The following EFL1 variants were observed in gnomAD, a reference collection of about 807,000 sequenced individuals.
EFL1 encodes elongation factor-like GTPase 1.
EFL1 carries 76 observed loss-of-function variants against 126.7 expected under a neutral mutation model. That is an observed-to-expected ratio of 0.60 (90% CI 0.50 to 0.73). The LOEUF (loss-of-function observed/expected upper bound fraction) is 0.73, where lower values mean the gene tolerates loss of function less well. Among genes scored for constraint, EFL1 ranks in the 30% least tolerant of loss-of-function variants. The pLI is 0.00. For missense variants in EFL1, 1,128 were observed against 1,343.2 expected (o/e 0.84, Z 2.50); for synonymous variants, 410 against 448.4 (o/e 0.91, Z 1.08).
intron 15 of EFL1, among the ~76,000 whole-genome samples, chr15:82,190,541 G>T (rs1396714091): frequency 6.6e-6 from 1 of 152,146 alleles, no homozygotes; most frequent in African/African-American, 2.4e-5. Flanking sequence ...AAAGAGTTGT[G>T]CCAGATAGTG....
chr15:82,203,858 G>A lies in EFL1; in HGVS notation c.1750+10859C>T, dbSNP rs556179996. ...TCTTCTGCCAATGGATATTTAGGGTGTGTCCCTTTTTCTGCTTTCATAAAC... is the reference window on the plus strand; with the variant it reads ...TCTTCTGCCAATGGATATTTAGGGTATGTCCCTTTTTCTGCTTTCATAAAC... On this transcript the variant is annotated intron_variant, in intron 15 of 19. Coordinates refer to ENST00000268206, the MANE Select transcript of EFL1 (RefSeq NM_024580.6). Among the ~76,000 whole-genome samples the A allele has an allele frequency of 1.3e-3, 193 of 152,258 alleles. 1 individual carries two copies. Among genetic ancestry groups the A allele is most frequent in the Non-Finnish European group, 2.2e-3 (150 of 68,026 alleles).
intron 3 of EFL1, among the ~76,000 whole-genome samples, chr15:82,256,952 T>C (rs1281171682): frequency 6.6e-6 from 1 of 152,216 alleles, no homozygotes; most frequent in Non-Finnish European, 1.5e-5. Context: ...AGACTTTTGG[T>C]ATCAAAGTTA....
At chr15:82,152,701 C>T (rs550071790) in intron 17 of EFL1, among the ~76,000 whole-genome samples, 2 of 151,804 alleles carry the variant, frequency 1.3e-5, no homozygotes, top group African/African-American at 4.8e-5. Flanking sequence ...TATAAACCAC[C>T]CATTTAGATA....
At chr15:82,191,933 CTTAGA>C (rs2074364212) in intron 15 of EFL1, among the ~76,000 whole-genome samples, 2 of 152,104 alleles carry the variant, frequency 1.3e-5, no homozygotes, top group African/African-American at 4.8e-5. Context: ...TAGAAGAAAT[CTTAGA>C]CTCTAAAACA....
chr15:82,229,313 G>A (rs904862752), intron 8 of EFL1, among the ~76,000 whole-genome samples: 3 of 152,030 alleles, frequency 2.0e-5, no homozygotes, highest in African/African-American at 7.3e-5. Context: ...TCTTTCCTCT[G>A]GGAACCATAG....
Position 82,138,727 on chromosome 15 carries a change from A to G in EFL1, c.3105T>C (p.Gly1035=). Reference sequence around the variant, plus strand: ...TCCTCTTCCTGATTTCATCAGCAAAACCAAAGCTTTCAGCAACAGGCAGCA... The same window carrying G: ...TCCTCTTCCTGATTTCATCAGCAAAGCCAAAGCTTTCAGCAACAGGCAGCA... ...KAVLPVAESF[G]FADEIRKRTS... is the part of the protein sequence containing the mutation. The change falls in exon 19 of 20, where the codon GGT becomes GGC. Residue 1035 remains glycine, a synonymous_variant. Coordinates refer to ENST00000268206, the MANE Select transcript of EFL1 (RefSeq NM_024580.6). 1 of 1,614,014 alleles carries G rather than the reference A, an allele frequency of 6.2e-7. No homozygotes were observed. The highest frequency in any genetic ancestry group is 2.2e-5 in the East Asian group (1 of 44,884).
At chr15:82,184,486 T>C (rs1012632987) in intron 15 of EFL1, among the ~76,000 whole-genome samples, 3 of 152,158 alleles carry the variant, frequency 2.0e-5, no homozygotes, top group African/African-American at 4.8e-5. Context: ...CAGTGAGTCC[T>C]CTCCCTGAGG....
Position 82,157,801 on chromosome 15 carries a change from G to C in EFL1, c.1942C>G (p.Gln648Glu), listed in dbSNP as rs781414667. The change falls in exon 17 of 20, where the codon CAG becomes GAG. Residue 648 changes from glutamine (Q) to glutamate (E), a missense_variant. Physicochemically the swap from Gln to Glu is conservative, Grantham distance 29 (BLOSUM62 2). This residue lies in a region of EFL1 where 561 missense variants were observed against 641.7 expected (regional missense o/e 0.87). Coordinates refer to ENST00000268206, the MANE Select transcript of EFL1 (RefSeq NM_024580.6). ...KLLNQADPCV[Q>E]ILIQETGEHV... ...TCTCCCGTTTCCTGAATTAAAATCT[G>C]GACACAGGGATCAGCCTGGTTTAAC... The C allele has an allele frequency of 1.2e-6, 2 of 1,613,856 alleles. No individual in the cohort carries two copies. Among genetic ancestry groups the C allele is most frequent in the Admixed American group, 3.3e-5 (2 of 59,992 alleles).
At chr15:82,204,660 A>C (rs1431312660) in intron 15 of EFL1, among the ~76,000 whole-genome samples, 4 of 152,264 alleles carry the variant, frequency 2.6e-5, no homozygotes, top group Non-Finnish European at 4.4e-5. Context: ...TACTAAGAAT[A>C]GAGGTCAAAT....
intron 18 of EFL1, among the ~76,000 whole-genome samples, chr15:82,141,044 T>C (rs1367562616): frequency 6.6e-6 from 1 of 152,168 alleles, no homozygotes; most frequent in African/African-American, 2.4e-5. Context: ...CAAATTACCC[T>C]GTAAGCTACT....
intron 12 of EFL1, among the ~76,000 whole-genome samples, 154 bp from the exon 13 acceptor site, chr15:82,220,383 G>A (rs2074699327): frequency 6.6e-6 from 1 of 152,160 alleles, no homozygotes; most frequent in Admixed American, 6.6e-5. Context: ...ATAAGAGAGG[G>A]CCTATCAGCC....
intron 16 of EFL1, among the ~76,000 whole-genome samples, chr15:82,159,529 G>C (rs1226720079): frequency 1.3e-5 from 2 of 151,466 alleles, no homozygotes; most frequent in African/African-American, 4.9e-5. Context: ...TTGAAATTAG[G>C]TGTTTGAAAA....
chr15:82,133,779 C>G (rs1169508692), intron 19 of EFL1, among the ~76,000 whole-genome samples: 1 of 152,168 alleles, frequency 6.6e-6, no homozygotes. Context: ...TTCTGCTTTG[C>G]TGGTGGGAGG....
In EFL1 at chr15:82,145,094, G is replaced by A. The variant is rs777506064; in HGVS notation, c.2990-6252C>T. ...CGAGGCGGGTTGATAACTTGAGGTC[G>A]GGAGTTTGAAACCAGCCTGACCAAC... On this transcript the variant is annotated intron_variant, in intron 18 of 19. Coordinates refer to ENST00000268206, the MANE Select transcript of EFL1 (RefSeq NM_024580.6). Among the ~76,000 whole-genome samples, 5 of 151,226 alleles carry A rather than the reference G, an allele frequency of 3.3e-5. No homozygotes were observed. The South Asian group carries it at 6.3e-4, about 19-fold the overall frequency.
intron 12 of EFL1, among the ~76,000 whole-genome samples, chr15:82,222,688 G>A (rs956400916): frequency 1.3e-5 from 2 of 152,184 alleles, no homozygotes; most frequent in Non-Finnish European, 2.9e-5. Flanking sequence ...GCAAGGATGT[G>A]TAAAAAGTAC....
chr15:82,240,628 A>C, intron 5 of EFL1, 73 bp from the exon 6 acceptor site: 1 of 1,551,880 alleles, frequency 6.4e-7, no homozygotes, highest in Non-Finnish European at 8.8e-7. Flanking sequence ...AATCGTGATT[A>C]ATAACCACTC....
intron 15 of EFL1, among the ~76,000 whole-genome samples, chr15:82,181,902 T>G (rs2074255758): frequency 6.6e-6 from 1 of 152,198 alleles, no homozygotes; most frequent in South Asian, 2.1e-4. Flanking sequence ...TCCCGCCCTC[T>G]AAAAACTTCC....
chr15:82,247,527 A>G (rs1446354461), intron 4 of EFL1, among the ~76,000 whole-genome samples: 1 of 152,076 alleles, frequency 6.6e-6, no homozygotes, highest in African/African-American at 2.4e-5. Context: ...AGGGTAGAAG[A>G]ATTAACTTTT....
At chr15:82,164,261 A>T (rs2074054283) in intron 15 of EFL1, among the ~76,000 whole-genome samples, 2 of 152,146 alleles carry the variant, frequency 1.3e-5, no homozygotes, top group African/African-American at 4.8e-5. Context: ...CACAGAAATG[A>T]TCACTTCCAG....
Sources: allele counts gnomAD v4.1 joint callset (sites outside exome capture counted in the v4.1 genomes callset), GRCh38; gene constraint gnomAD v4.1.1; regional missense constraint gnomAD v4.1.1; transcripts MANE v1.5; gene names NCBI Gene and HGNC (gene_info 2026-07-23, HGNC 2026-07-21).